Variants in SV2C observed in about 807,000 individuals in gnomAD.
SV2C encodes solute carrier family 22 member B3.
In SV2C, 49 loss-of-function variants were observed where a neutral mutation model predicts 79.7. That is an observed-to-expected ratio of 0.61 (90% CI 0.49 to 0.78). The LOEUF (loss-of-function observed/expected upper bound fraction) is 0.78, where lower values mean the gene tolerates loss of function less well. Among genes scored for constraint, SV2C ranks in the 30% least tolerant of loss-of-function variants. The pLI is 0.00. For synonymous variants in SV2C, 334 were observed against 333.2 expected (o/e 1.00, Z -0.03); for missense variants, 833 against 912.9 (o/e 0.91, Z 1.13).
chr5:76,280,248 T>G (rs1311356705), intron 4 of SV2C, among the ~76,000 whole-genome samples: 4 of 145,166 alleles, frequency 2.8e-5, no homozygotes, highest in Non-Finnish European at 5.9e-5. Context: ...ACCACCAGCA[T>G]GTGTGTGTTC....
At chr5:76,156,564 G>T (rs539978557) in intron 2 of SV2C, among the ~76,000 whole-genome samples, 1 of 152,184 alleles carries the variant, frequency 6.6e-6, no homozygotes, top group Non-Finnish European at 1.5e-5. Flanking sequence ...AATAGATACT[G>T]GCTGTGAGAG....
At chr5:76,064,274 C>CT in the SV2C span, among the ~76,000 whole-genome samples, 2 of 152,148 alleles carry the variant, frequency 1.3e-5, no homozygotes, top group South Asian at 4.1e-4. Flanking sequence ...ATTCCATTCT[C>CT]TTTCTTCAAA....
At chr5:76,267,657 A>G (rs760389559) in intron 4 of SV2C, among the ~76,000 whole-genome samples, 5 of 152,270 alleles carry the variant, frequency 3.3e-5, no homozygotes, top group Admixed American at 6.5e-5. Flanking sequence ...CACTGTAAAT[A>G]TACCAAAGAG....
chr5:76,109,717 A>G (rs1174394418), intron 1 of SV2C, among the ~76,000 whole-genome samples: 1 of 152,154 alleles, frequency 6.6e-6, no homozygotes, highest in East Asian at 1.9e-4. Context: ...GAGGAATGCC[A>G]AGGCTTGCTG....
At chr5:76,020,438 G>A in the SV2C span, among the ~76,000 whole-genome samples, 4 of 152,170 alleles carry the variant, frequency 2.6e-5, no homozygotes, top group African/African-American at 7.2e-5. Flanking sequence ...TAGAGAATGG[G>A]GGGCATAAAG....
At chr5:76,152,121 G>A (rs1048644105) in intron 2 of SV2C, among the ~76,000 whole-genome samples, 1 of 152,214 alleles carries the variant, frequency 6.6e-6, no homozygotes, top group Non-Finnish European at 1.5e-5. Context: ...CACAATAGAT[G>A]AGTGCTTCTG....
At chr5:75,860,691 A>G in the SV2C span, among the ~76,000 whole-genome samples, 1 of 152,236 alleles carries the variant, frequency 6.6e-6, no homozygotes, top group South Asian at 2.1e-4. Context: ...TTCAAACTAT[A>G]TTATAAGGCT....
chr5:76,055,622 T>C, the SV2C span, among the ~76,000 whole-genome samples: 1 of 152,214 alleles, frequency 6.6e-6, no homozygotes, highest in Non-Finnish European at 1.5e-5. Flanking sequence ...ATTCTTCCTA[T>C]CCATGAGCAT....
intron 3 of SV2C, among the ~76,000 whole-genome samples, chr5:76,200,727 C>T (rs1277390006): frequency 1.3e-5 from 2 of 152,146 alleles, no homozygotes; most frequent in African/African-American, 4.8e-5. Context: ...GCAGCCTTGA[C>T]CTCCTGGGCT....
the SV2C span, among the ~76,000 whole-genome samples, chr5:75,929,112 G>A: frequency 6.6e-6 from 1 of 151,936 alleles, no homozygotes; most frequent in African/African-American, 2.4e-5. Context: ...CCCCAGCCCT[G>A]CCTGAATCCA....
intron 4 of SV2C, among the ~76,000 whole-genome samples, chr5:76,248,997 T>C (rs1470236140): frequency 6.6e-6 from 1 of 152,182 alleles, no homozygotes; most frequent in Admixed American, 6.5e-5. Flanking sequence ...GTGGGTATTA[T>C]TAGGAGGAGT....
At chr5:75,851,113 A>G in the SV2C span, among the ~76,000 whole-genome samples, 1 of 152,320 alleles carries the variant, frequency 6.6e-6, no homozygotes, top group Admixed American at 6.5e-5. Flanking sequence ...ACAATTTGGT[A>G]TTCAGTTTTG....
chr5:75,947,779 ACTT>A, the SV2C span, among the ~76,000 whole-genome samples: 16 of 152,086 alleles, frequency 1.1e-4, no homozygotes, highest in South Asian at 2.5e-3. Flanking sequence ...ATTTCTTTGA[ACTT>A]CTTCTTACAA....
chr5:76,033,945 C>T, the SV2C span, among the ~76,000 whole-genome samples: 2 of 152,194 alleles, frequency 1.3e-5, no homozygotes, highest in East Asian at 3.9e-4. Flanking sequence ...TTGTAGTTCT[C>T]CTTGAAGAGG....
the SV2C span, among the ~76,000 whole-genome samples, chr5:76,027,563 C>T: frequency 0.19 from 29,583 of 151,930 alleles, 3,208 homozygotes; most frequent in East Asian, 0.44. Context: ...TTTTCTTTTT[C>T]GAAGTTGTTT....
At chr5:76,312,473 G>A (rs200636669) in intron 12 of SV2C, among the ~76,000 whole-genome samples, 162 of 152,136 alleles carry the variant, frequency 1.1e-3, no homozygotes, top group East Asian at 3.7e-3. Context: ...GGCTGGTCTC[G>A]AACTCCTGAC....
At chr5:75,945,744 A>C in the SV2C span, among the ~76,000 whole-genome samples, 1 of 152,264 alleles carries the variant, frequency 6.6e-6, no homozygotes, top group African/African-American at 2.4e-5. Context: ...AGGCTTAATG[A>C]AATTATATTT....
the SV2C span, among the ~76,000 whole-genome samples, chr5:75,999,240 C>G: frequency 2.4e-4 from 37 of 151,288 alleles, no homozygotes; most frequent in African/African-American, 8.5e-4. Flanking sequence ...GGGACACAGC[C>G]AAACCATATC....
the SV2C span, among the ~76,000 whole-genome samples, chr5:75,960,470 A>G: frequency 6.6e-6 from 1 of 152,028 alleles, no homozygotes; most frequent in Non-Finnish European, 1.5e-5. Flanking sequence ...TTCTATGTTT[A>G]GATACACAAA....
Sources: allele counts gnomAD v4.1 joint callset (sites outside exome capture counted in the v4.1 genomes callset), GRCh38; gene constraint gnomAD v4.1.1; transcripts MANE v1.5; gene names NCBI Gene and HGNC (gene_info 2026-07-23, HGNC 2026-07-21).